EPHA4: variants seen among roughly 807,000 people sequenced by gnomAD.
The protein encoded by EPHA4 is ephrin type-A receptor 4.
Under a neutral mutation model 108.3 loss-of-function variants are expected in EPHA4, and 19 were observed. The ratio of observed to expected loss-of-function variants is 0.18; its 90% CI spans 0.12 to 0.26. The LOEUF (loss-of-function observed/expected upper bound fraction) is 0.26, where lower values mean the gene tolerates loss of function less well. Among genes scored for constraint, EPHA4 ranks in the 10% least tolerant of loss-of-function variants. EPHA4 has a pLI of 1.00. For missense variants in EPHA4, 917 were observed against 1,254.0 expected (o/e 0.73, Z 4.06); for synonymous variants, 449 against 455.5 (o/e 0.99, Z 0.18).
chr2:221,516,551 T>C (rs1490147076), intron 3 of EPHA4, among the ~76,000 whole-genome samples: 1 of 152,038 alleles, frequency 6.6e-6, no homozygotes, highest in Non-Finnish European at 1.5e-5. Flanking sequence ...AATGGGGTTT[T>C]ACCATGTTGG....
intron 9 of EPHA4, among the ~76,000 whole-genome samples, chr2:221,445,569 G>T (rs112399290): frequency 1.0e-3 from 145 of 139,308 alleles, no homozygotes; most frequent in African/African-American, 3.8e-3. Context: ...CAGCCTGGCC[G>T]ACAGAGCAAG....
chr2:221,546,239 T>C (rs1574650572), intron 3 of EPHA4, among the ~76,000 whole-genome samples: 1 of 152,128 alleles, frequency 6.6e-6, no homozygotes, highest in East Asian at 1.9e-4. Flanking sequence ...TTTGATCTAA[T>C]TCCGAAGGCT....
chr2:221,527,846 CG>C (rs746073926), intron 3 of EPHA4, among the ~76,000 whole-genome samples: 4 of 152,016 alleles, frequency 2.6e-5, no homozygotes, highest in South Asian at 2.1e-4. Context: ...AAGGAACTGT[CG>C]GAGCAGGGTG....
chr2:221,497,200 A>G (rs1692324216), intron 4 of EPHA4, among the ~76,000 whole-genome samples: 1 of 152,206 alleles, frequency 6.6e-6, no homozygotes, highest in Non-Finnish European at 1.5e-5. Flanking sequence ...ACCAGGTGCC[A>G]GAACTTTGCA....
intron 5 of EPHA4, among the ~76,000 whole-genome samples, chr2:221,481,247 C>T (rs1230609540): frequency 6.6e-6 from 1 of 152,186 alleles, no homozygotes; most frequent in Non-Finnish European, 1.5e-5. Flanking sequence ...AGAAACACTT[C>T]ATGAACAGGA....
At chr2:221,460,905 T>C (rs1488285786) in intron 5 of EPHA4, among the ~76,000 whole-genome samples, 1 of 152,242 alleles carries the variant, frequency 6.6e-6, no homozygotes, top group African/African-American at 2.4e-5. Flanking sequence ...ATTTAAGTAA[T>C]ATTTTCTTTA....
chr2:221,428,645 G>A (rs1053634400), intron 15 of EPHA4, among the ~76,000 whole-genome samples: 2 of 152,178 alleles, frequency 1.3e-5, no homozygotes, highest in Non-Finnish European at 2.9e-5. Context: ...TGGAAAGGAG[G>A]CCTTATAGTC....
rs773418289 is a variant in EPHA4, at chr2:221,430,057, T to C, written c.2591A>G (p.Glu864Gly). Reference sequence around the variant, plus strand: ...CCCAAATTTAGGCCTGTCGCTCCTCTCCTTCTGCCAGCAGTCTAGCATCAG... The same window carrying C: ...CCCAAATTTAGGCCTGTCGCTCCTCCCCTTCTGCCAGCAGTCTAGCATCAG... The part of the protein sequence containing the change: ...HQLMLDCWQK[E>G]RSDRPKFGQI... The change falls in exon 15 of 18, where the codon GAG becomes GGG. Residue 864 changes from glutamate (E) to glycine (G), a missense_variant. Glu to Gly is a moderately conservative substitution (Grantham distance 98, BLOSUM62 -2). This residue lies in a region of EPHA4 where 133 missense variants were observed against 132.8 expected (regional missense o/e 1.00). Transcript: ENST00000281821. 6.2e-7 allele frequency: 1 copy of C among 1,614,130 alleles called. No individual in the cohort carries two copies. Among genetic ancestry groups the C allele is most frequent in the Admixed American group, 1.7e-5 (1 of 60,024 alleles).
At position 221,524,050 on chromosome 2, in the gene EPHA4, GAAAAAAATGACATATATTCCAATGGAGA is replaced by G. The variant is rs1423681595; in HGVS notation, c.824-22906_824-22879del. Among the ~76,000 whole-genome samples the G allele has an allele frequency of 2.0e-5, 3 of 152,130 alleles. No individual in the cohort carries two copies. In the East Asian group the frequency reaches 5.8e-4, roughly 29 times the overall value. Reference sequence around the variant, plus strand: ...TGGTGAGAAACGTTCTGAAGGAGAGGAAAAAAATGACATATATTCCAATGGAGAAAACTGAGGCACCCAAATCATGCTG... The same window carrying G: ...TGGTGAGAAACGTTCTGAAGGAGAGGAAACTGAGGCACCCAAATCATGCTG... On this transcript the variant is annotated intron_variant, in intron 3 of 17. Coordinates refer to ENST00000281821, the MANE Select transcript of EPHA4 (RefSeq NM_004438.5).
chr2:221,489,374 C>A (rs968050053), intron 4 of EPHA4, among the ~76,000 whole-genome samples: 56 of 152,320 alleles, frequency 3.7e-4, no homozygotes, highest in African/African-American at 1.3e-3. Flanking sequence ...AAAGTGCCAA[C>A]AGAATGCAAA....
Position 221,545,229 on chromosome 2 carries a change from C to T in EPHA4, c.823+18502G>A, listed in dbSNP as rs1450300645. Among the ~76,000 whole-genome samples the T allele has an allele frequency of 1.3e-4, 3 of 22,950 alleles. No homozygotes were observed. In the East Asian group the frequency reaches 1.4e-3, roughly 11 times the overall value. The allele number at this position is 22,950 out of a possible 152,430, so 15.1% of individuals were successfully genotyped here. ...TTGGGAGACCGAGGTGGGCGGATCACGAGGTCGAGGTGGGCGGATCACGAG... is the reference window on the plus strand; with the variant it reads ...TTGGGAGACCGAGGTGGGCGGATCATGAGGTCGAGGTGGGCGGATCACGAG... On this transcript the variant is annotated intron_variant, in intron 3 of 17. Coordinates refer to ENST00000281821, the MANE Select transcript of EPHA4 (RefSeq NM_004438.5).
intron 3 of EPHA4, among the ~76,000 whole-genome samples, chr2:221,530,620 C>T (rs1693480386): frequency 6.6e-6 from 1 of 152,160 alleles, no homozygotes. Flanking sequence ...AGCAGAGAAA[C>T]CACCCGAAAA....
intron 13 of EPHA4, 22 bp from the exon 14 acceptor site, chr2:221,434,313 G>A (rs1690165794): frequency 2.5e-6 from 4 of 1,612,434 alleles, no homozygotes; most frequent in African/African-American, 1.3e-5. Context: ...TGAGCCATAA[G>A]TTATTCCTTA....
intron 5 of EPHA4, among the ~76,000 whole-genome samples, chr2:221,481,488 A>G (rs1691818392): frequency 6.6e-6 from 1 of 152,086 alleles, no homozygotes; most frequent in African/African-American, 2.4e-5. Context: ...CATTTCTACT[A>G]AAAATACAAA....
At chr2:221,432,442 T>C (rs1027960943) in intron 14 of EPHA4, among the ~76,000 whole-genome samples, 20 of 152,202 alleles carry the variant, frequency 1.3e-4, no homozygotes, top group Non-Finnish European at 2.4e-4. Context: ...ATAGATTACA[T>C]GCTATTCCCC....
At chr2:221,472,733 C>A (rs1395130151) in intron 5 of EPHA4, among the ~76,000 whole-genome samples, 1 of 152,020 alleles carries the variant, frequency 6.6e-6, no homozygotes, top group Non-Finnish European at 1.5e-5. Flanking sequence ...AGAGTAACAG[C>A]AAGAATAGAA....
rs755176786 is a variant in EPHA4, at chr2:221,436,439, C to T, written c.2306G>A (p.Arg769Gln). Residue 769 changes from arginine to glutamine, a missense_variant, in exon 13 of 18, where the codon CGA becomes CAA. Coordinates refer to ENST00000281821, the MANE Select transcript of EPHA4 (RefSeq NM_004438.5). ...TGCTTCCGGATCATCCTCAAGCACT[C>T]GGGACATGCCAAAATCAGACACTTT... The part of the protein sequence containing the change: ...VCKVSDFGMS[R>Q]VLEDDPEAAY... 3.1e-6 allele frequency: 5 copies of T among 1,614,160 alleles called. No homozygotes were observed. Among genetic ancestry groups the T allele is most frequent in the Non-Finnish European group, 1.7e-6 (2 of 1,180,018 alleles).
chr2:221,446,524 T>A (rs770818537), intron 8 of EPHA4, among the ~76,000 whole-genome samples: 1 of 152,158 alleles, frequency 6.6e-6, no homozygotes, highest in South Asian at 2.1e-4. Flanking sequence ...TCCATTTATA[T>A]AAATATACAT....
At chr2:221,422,371 A>G (rs1230543867) in intron 17 of EPHA4, among the ~76,000 whole-genome samples, 1 of 152,204 alleles carries the variant, frequency 6.6e-6, no homozygotes, top group African/African-American at 2.4e-5. Flanking sequence ...CAAGGTTGGT[A>G]ATGGTTTCTT....
Sources: allele counts gnomAD v4.1 joint callset (sites outside exome capture counted in the v4.1 genomes callset), GRCh38; gene constraint gnomAD v4.1.1; regional missense constraint gnomAD v4.1.1; transcripts MANE v1.5; gene names NCBI Gene and HGNC (gene_info 2026-07-23, HGNC 2026-07-21).